The following BLVRA variants were observed in gnomAD, a reference collection of about 807,000 sequenced individuals.
The protein encoded by BLVRA is biliverdin reductase A, also known as BVR A.
Under a neutral mutation model 32.8 loss-of-function variants are expected in BLVRA, and 22 were observed. That is an observed-to-expected ratio of 0.67 (90% CI 0.48 to 0.96). The LOEUF is 0.96. Among genes scored for constraint, BLVRA ranks in the 40% least tolerant of loss-of-function variants. The pLI, the probability that BLVRA is intolerant of heterozygous loss-of-function variation, is 0.00. For synonymous variants in BLVRA, 119 were observed against 141.3 expected (o/e 0.84, Z 1.12); for missense variants, 323 against 358.1 (o/e 0.90, Z 0.79).
intron 1 of BLVRA, among the ~76,000 whole-genome samples, chr7:43,767,898 G>C (rs967794814): frequency 5.9e-5 from 9 of 152,068 alleles, no homozygotes; most frequent in African/African-American, 9.7e-5. Flanking sequence ...CAAGGTCAAA[G>C]GACTCAGGGC....
intron 3 of BLVRA, among the ~76,000 whole-genome samples, chr7:43,788,568 T>C (rs1585731331): frequency 6.6e-6 from 1 of 152,192 alleles, no homozygotes; most frequent in African/African-American, 2.4e-5. Context: ...TTAAACACCA[T>C]GTGTTCTTTT....
chr7:43,758,377 A>C (rs2095738410), upstream of BLVRA, among the ~76,000 whole-genome samples: 1 of 151,908 alleles, frequency 6.6e-6, no homozygotes, highest in Admixed American at 6.5e-5. Context: ...GGCCAGGCAC[A>C]CCGTGAGGGG....
intron 7 of BLVRA, among the ~76,000 whole-genome samples, chr7:43,805,375 C>T (rs1429926677): frequency 1.3e-5 from 2 of 151,758 alleles, no homozygotes; most frequent in Non-Finnish European, 2.9e-5. Flanking sequence ...CTCCATCTCC[C>T]GGGTTCAAGT....
chr7:43,783,441 TC>T (rs940144072), intron 2 of BLVRA, among the ~76,000 whole-genome samples: 36 of 152,358 alleles, frequency 2.4e-4, no homozygotes, highest in African/African-American at 8.7e-4. Context: ...CGATCATCTA[TC>T]TTGGAGACCA....
chr7:43,793,050 A>G (rs1475263639), intron 5 of BLVRA, among the ~76,000 whole-genome samples: 1 of 152,222 alleles, frequency 6.6e-6, no homozygotes, highest in Non-Finnish European at 1.5e-5. Context: ...TCTAAGGAAA[A>G]AATATGAATT....
chr7:43,796,121 CAAAA>C (rs371922009), intron 5 of BLVRA, among the ~76,000 whole-genome samples: 1 of 66,692 alleles, frequency 1.5e-5, no homozygotes, highest in Non-Finnish European at 3.0e-5. Context: ...CTCTGTCTCA[CAAAA>C]AAAAAAAAAA....
intron 7 of BLVRA, among the ~76,000 whole-genome samples, chr7:43,805,474 G>A (rs1432325699): frequency 6.6e-6 from 1 of 151,916 alleles, no homozygotes; most frequent in Non-Finnish European, 1.5e-5. Flanking sequence ...GTAGAGACAA[G>A]GTTTCACCAT....
chr7:43,777,387 CT>C (rs1244202016), intron 2 of BLVRA, among the ~76,000 whole-genome samples: 6 of 144,208 alleles, frequency 4.2e-5, no homozygotes, highest in African/African-American at 1.5e-4. Flanking sequence ...TATTTTATTT[CT>C]CCTTCACTTA....
chr7:43,780,388 C>T (rs754313405), intron 2 of BLVRA, among the ~76,000 whole-genome samples: 1 of 152,142 alleles, frequency 6.6e-6, no homozygotes, highest in Non-Finnish European at 1.5e-5. Flanking sequence ...TATGTGACAC[C>T]ATACTGTACC....
At chr7:43,758,361 T>TGAGGGGGCCAGGCACACCGG (rs2095738369), upstream of BLVRA, among the ~76,000 whole-genome samples, 1 of 151,508 alleles carries the variant, frequency 6.6e-6, no homozygotes. Flanking sequence ...AGGCACACCG[T>TGAGGGGGCCAGGCACACCGG]GAGGGGGCCA....
At chr7:43,758,521 G>T (rs553566588), upstream of BLVRA, among the ~76,000 whole-genome samples, 18 of 152,322 alleles carry the variant, frequency 1.2e-4, no homozygotes, top group African/African-American at 4.3e-4. Flanking sequence ...AGGGCACAGA[G>T]GCCAGGATCT....
At chr7:43,792,418 T>A (rs2095787170) in intron 4 of BLVRA, among the ~76,000 whole-genome samples, 1 of 152,236 alleles carries the variant, frequency 6.6e-6, no homozygotes, top group African/African-American at 2.4e-5. Context: ...TATTTGTTAA[T>A]GTGTCTTTAT....
chr7:43,785,622 C>G (rs549942590), intron 2 of BLVRA, among the ~76,000 whole-genome samples: 22 of 152,338 alleles, frequency 1.4e-4, no homozygotes, highest in African/African-American at 5.3e-4. Context: ...CAGCAGTGGA[C>G]AGTCAGGCTC....
intron 6 of BLVRA, among the ~76,000 whole-genome samples, chr7:43,802,735 A>G (rs537271151): frequency 6.6e-6 from 1 of 152,188 alleles, no homozygotes; most frequent in African/African-American, 2.4e-5. Flanking sequence ...TCCTGGGCGC[A>G]AGCAGTCTGC....
intron 1 of BLVRA, chr7:43,764,207 A>G (rs1274977706): frequency 1.3e-5 from 2 of 151,280 alleles, no homozygotes; most frequent in East Asian, 2.0e-4. Context: ...CTGTGTACGC[A>G]GTTCCTGTAG....
chr7:43,800,611 C>A, intron 6 of BLVRA, 39 bp downstream of exon 6: 1 of 1,545,958 alleles, frequency 6.5e-7, no homozygotes, highest in Non-Finnish European at 8.9e-7. Context: ...ATGTGAGGTC[C>A]AAAGACCAGC....
chr7:43,786,421 C>G (rs1042361381), intron 2 of BLVRA, among the ~76,000 whole-genome samples: 1 of 152,130 alleles, frequency 6.6e-6, no homozygotes, highest in African/African-American at 2.4e-5. Flanking sequence ...GAGAAATACA[C>G]AGTTATATAC....
At chr7:43,786,983 C>T (rs767830155) in intron 2 of BLVRA, among the ~76,000 whole-genome samples, 35 of 151,766 alleles carry the variant, frequency 2.3e-4, no homozygotes, top group Non-Finnish European at 4.0e-4. Context: ...AGTGCAGTGG[C>T]GCTATCTTGG....
At chr7:43,771,318 G>C in intron 2 of BLVRA, 148 bp downstream of exon 2, 2 of 937,788 alleles carry the variant, frequency 2.1e-6, no homozygotes, top group Non-Finnish European at 3.4e-6. Context: ...ACGTGGTTCT[G>C]GGTGATGCAG....
Sources: gnomAD v4.1 joint callset for allele counts (sites outside exome capture counted in the v4.1 genomes callset) on GRCh38, gnomAD v4.1.1 for gene constraint, MANE v1.5 for transcripts, NCBI Gene and HGNC (gene_info 2026-07-23, HGNC 2026-07-21) for gene names.